Variants in NHSL2 observed in about 807,000 individuals in gnomAD.
NHSL2 encodes NHS like 2.
In NHSL2, 27 loss-of-function variants were observed where a neutral mutation model predicts 53.4. That is an observed-to-expected ratio of 0.51 (90% CI 0.37 to 0.70). NHSL2 has a LOEUF of 0.70. Among genes scored for constraint, NHSL2 ranks in the 30% least tolerant of loss-of-function variants. The pLI is 0.00. For missense variants in NHSL2, 892 were observed against 980.1 expected (o/e 0.91, Z 1.20); for synonymous variants, 408 against 404.1 (o/e 1.01, Z -0.12).
At chrX:72,085,781 T>C in intron 1 of NHSL2, among the ~76,000 whole-genome samples, 1 of 106,876 alleles carries the variant, frequency 9.4e-6, no homozygotes, top group African/African-American at 3.4e-5. Flanking sequence ...AAAAATCCTC[T>C]TTGAGGAGTT....
At chrX:72,030,671 C>A (rs2042210304) in intron 1 of NHSL2, among the ~76,000 whole-genome samples, 1 of 112,136 alleles carries the variant, frequency 8.9e-6, no homozygotes, top group African/African-American at 3.2e-5. Context: ...GTTTAACAAC[C>A]AGTTCTGGTG....
At chrX:72,038,352 T>C (rs1018070220) in intron 1 of NHSL2, among the ~76,000 whole-genome samples, 1 of 112,560 alleles carries the variant, frequency 8.9e-6, no homozygotes, top group African/African-American at 3.2e-5. Context: ...TTCAACTCTT[T>C]ATAAACAGTC....
At chrX:71,951,040 A>ACACACACACACACAC (rs35096488) in intron 1 of NHSL2, among the ~76,000 whole-genome samples, 11 of 109,938 alleles carry the variant, frequency 1.0e-4, no homozygotes, top group East Asian at 5.7e-4. Flanking sequence ...ACACACACAC[A>ACACACACACACACAC]AATACCTGGC....
intron 1 of NHSL2, among the ~76,000 whole-genome samples, chrX:71,986,301 A>G (rs1430006006): frequency 8.9e-6 from 1 of 111,919 alleles, no homozygotes; most frequent in Non-Finnish European, 1.9e-5. Context: ...GGCTTAAGTC[A>G]CTTGATATTA....
At chrX:72,101,456 A>C (rs182090173) in intron 1 of NHSL2, among the ~76,000 whole-genome samples, 1 of 110,169 alleles carries the variant, frequency 9.1e-6, no homozygotes, top group Non-Finnish European at 1.9e-5. Flanking sequence ...CGGCCCCTGG[A>C]TTGACAGGAA....
At chrX:72,066,723 T>C (rs1459409960) in intron 1 of NHSL2, among the ~76,000 whole-genome samples, 1 of 112,219 alleles carries the variant, frequency 8.9e-6, no homozygotes, top group Middle Eastern at 4.2e-3. Context: ...GTATGGACCT[T>C]GGCTAAGCTG....
At chrX:72,033,273 G>A (rs2042225260) in intron 1 of NHSL2, among the ~76,000 whole-genome samples, 3 of 102,513 alleles carry the variant, frequency 2.9e-5, no homozygotes, top group East Asian at 3.2e-4. Context: ...TGCAACCTCC[G>A]ACTCCCGGGT....
At chrX:72,047,860 G>C (rs2042313599) in intron 1 of NHSL2, among the ~76,000 whole-genome samples, 1 of 110,567 alleles carries the variant, frequency 9.0e-6, no homozygotes, top group Non-Finnish European at 1.9e-5. Context: ...AGAGTGTCAG[G>C]AGGTAAGGGT....
intron 1 of NHSL2, among the ~76,000 whole-genome samples, chrX:72,061,206 G>A (rs1022715656): frequency 9.0e-6 from 1 of 111,336 alleles, no homozygotes; most frequent in Non-Finnish European, 1.9e-5. Flanking sequence ...TTCTTTTTTC[G>A]GAATGCCCAA....
rs752773923 is a variant in NHSL2 at position 72,140,205 on chromosome X, A to C, written c.2657A>C (p.His886Pro). Reference protein sequence around the residue: ...PVARRPPSLVHKPPSVPEEYA... With the variant: ...PVARRPPSLVPKPPSVPEEYA... ...GCCCGGAGGCCTCCAAGCTTGGTCC[A>C]CAAGCCACCATCTGTTCCTGAGGAG... is the stretch of plus-strand genomic sequence containing the variant. The change falls in exon 6 of 8, where the codon CAC becomes CCC. Residue 886 changes from histidine to proline, a missense_variant. Transcript: ENST00000633930. 1.7e-6 allele frequency: 2 copies of C among 1,210,297 alleles called. No individual in the cohort carries two copies. Among genetic ancestry groups the C allele is most frequent in the Admixed American group, 4.4e-5 (2 of 45,873 alleles).
chrX:72,093,907 G>A (rs1243730076), intron 1 of NHSL2, among the ~76,000 whole-genome samples: 4 of 110,119 alleles, frequency 3.6e-5, no homozygotes, highest in Non-Finnish European at 5.7e-5. Context: ...TCAGCCACCC[G>A]AGTAGCTGGG....
chrX:72,069,780 C>T (rs1156551163), intron 1 of NHSL2: 8 of 828,913 alleles, frequency 9.7e-6, no homozygotes, highest in South Asian at 1.4e-4. Flanking sequence ...CCTCCTTTTC[C>T]GGGGCTCCTA....
At chrX:72,088,990 A>G (rs1309576248) in intron 1 of NHSL2, among the ~76,000 whole-genome samples, 5 of 111,744 alleles carry the variant, frequency 4.5e-5, no homozygotes, top group Non-Finnish European at 9.4e-5. Context: ...AATGCTGATG[A>G]CTTTCCCTTT....
intron 1 of NHSL2, among the ~76,000 whole-genome samples, chrX:71,912,126 A>C (rs2041607063): frequency 8.9e-6 from 1 of 112,874 alleles, no homozygotes; most frequent in Non-Finnish European, 1.9e-5. Context: ...TTTAGGAATC[A>C]GCCATGCCTG....
intron 1 of NHSL2, among the ~76,000 whole-genome samples, chrX:72,098,375 C>T (rs888960523): frequency 8.1e-5 from 9 of 111,235 alleles, no homozygotes; most frequent in African/African-American, 2.6e-4. Flanking sequence ...GGTCAGGAGA[C>T]CGAGACCATC....
chrX:72,138,965 A>G lies in NHSL2; in HGVS notation c.1417A>G (p.Lys473Glu), dbSNP rs749731637. Residue 473 changes from lysine (K) to glutamate (E), a missense_variant, in exon 6 of 8, where the codon AAG becomes GAG. Lys to Glu is a moderately conservative substitution (Grantham distance 56, BLOSUM62 1). Transcript: ENST00000633930. ...AAGGCACATGCCCGAAAGACCCTCC[A>G]AGATTGGCCTTCTGACCAGTGGGAC... ...QQRHMPERPS[K>E]IGLLTSGTSR... The G allele has an allele frequency of 1.1e-5, 13 of 1,200,547 alleles. No homozygotes were observed. The highest frequency in any genetic ancestry group is 1.5e-5 in the Non-Finnish European group (13 of 890,170).
chrX:71,945,126 G>T (rs184246000), intron 1 of NHSL2, among the ~76,000 whole-genome samples: 1 of 112,111 alleles, frequency 8.9e-6, no homozygotes, highest in African/African-American at 3.2e-5. Context: ...GAGGCAGTTG[G>T]GGGGGTCATC....
At chrX:71,922,808 A>G (rs1377762507) in intron 1 of NHSL2, among the ~76,000 whole-genome samples, 2 of 112,525 alleles carry the variant, frequency 1.8e-5, no homozygotes, top group Non-Finnish European at 3.7e-5. Flanking sequence ...AAACTTACCC[A>G]TTAAGAGAAC....
chrX:72,131,321 T>C (rs1569483053), intron 1 of NHSL2: 8 of 1,201,802 alleles, frequency 6.7e-6, no homozygotes, highest in Non-Finnish European at 9.0e-6. Flanking sequence ...TCGATCTCAC[T>C]GAGCGCGAAC....
Sources: gnomAD v4.1 joint callset for allele counts (sites outside exome capture counted in the v4.1 genomes callset) on GRCh38, gnomAD v4.1.1 for gene constraint, MANE v1.5 for transcripts, NCBI Gene and HGNC (gene_info 2026-07-23, HGNC 2026-07-21) for gene names.